DPP8: variants seen among roughly 807,000 people sequenced by gnomAD.
DPP8 encodes the protein DPP VIII.
A neutral mutation model predicts 107.5 loss-of-function variants in DPP8; 31 were observed. The observed-to-expected ratio is 0.29, with a 90% CI of 0.22 to 0.39. DPP8 has a LOEUF of 0.39. Among genes scored for constraint, DPP8 ranks in the 10% least tolerant of loss-of-function variants. The pLI, the probability that DPP8 is intolerant of heterozygous loss-of-function variation, is 1.00. For synonymous variants in DPP8, 381 were observed against 356.6 expected (o/e 1.07, Z -0.77); for missense variants, 842 against 1,076.1 (o/e 0.78, Z 3.04).
chr15:65,514,659 C>T (rs8034852), intron 1 of DPP8, among the ~76,000 whole-genome samples: 30,339 of 152,056 alleles, frequency 0.2, 3,382 homozygotes, highest in African/African-American at 0.3. Flanking sequence ...TACAGGCACC[C>T]GCCATCGTGC....
intron 8 of DPP8, among the ~76,000 whole-genome samples, chr15:65,483,204 T>C (rs2067091068): frequency 6.6e-6 from 1 of 151,640 alleles, no homozygotes; most frequent in Non-Finnish European, 1.5e-5. Flanking sequence ...AAACTGGAAA[T>C]CTAATCCACT....
chr15:65,499,221 G>A (rs1460826095), intron 4 of DPP8, among the ~76,000 whole-genome samples: 1 of 151,472 alleles, frequency 6.6e-6, no homozygotes, highest in Non-Finnish European at 1.5e-5. Context: ...ATTGATGCCC[G>A]TTACCTTTCC....
intron 12 of DPP8, among the ~76,000 whole-genome samples, chr15:65,470,195 C>CAAAAAAAAAAAAA (rs11310623): frequency 6.8e-5 from 4 of 58,484 alleles, no homozygotes; most frequent in African/African-American, 1.2e-4. Context: ...ACTCTTGTCT[C>CAAAAAAAAAAAAA]AAAAAAAAAA....
intron 14 of DPP8, among the ~76,000 whole-genome samples, 197 bp from the exon 15 acceptor site, chr15:65,464,103 C>A (rs931810064): frequency 1.3e-5 from 2 of 152,210 alleles, no homozygotes; most frequent in African/African-American, 4.8e-5. Flanking sequence ...GTGGCTCATG[C>A]CTGTAATCCC....
intron 3 of DPP8, among the ~76,000 whole-genome samples, chr15:65,504,043 T>C (rs1170077715): frequency 1.3e-5 from 2 of 151,762 alleles, no homozygotes; most frequent in African/African-American, 4.8e-5. Flanking sequence ...ATTACAGGCA[T>C]CAGCTACTGT....
chr15:65,516,741 T>TA (rs1021935318), intron 1 of DPP8: 1 of 152,196 alleles, frequency 6.6e-6, no homozygotes, highest in African/African-American at 2.4e-5. Flanking sequence ...GCCGTCCACT[T>TA]AAACACCTAA....
chr15:65,488,657 A>G (rs551005354), intron 6 of DPP8, among the ~76,000 whole-genome samples: 1 of 151,818 alleles, frequency 6.6e-6, no homozygotes, highest in African/African-American at 2.4e-5. Flanking sequence ...ACAGCATAAC[A>G]GTATCAGGGA....
At chr15:65,505,949 C>CA (rs369806063) in intron 3 of DPP8, among the ~76,000 whole-genome samples, 106,638 of 128,586 alleles carry the variant, frequency 0.83, 44,018 homozygotes, top group East Asian at 0.92. Flanking sequence ...GACTGTGTCT[C>CA]AAAAAAAAAA....
intron 12 of DPP8, among the ~76,000 whole-genome samples, chr15:65,471,789 ATACTC>A (rs2140570947): frequency 1.3e-5 from 2 of 152,276 alleles, no homozygotes; most frequent in South Asian, 4.1e-4. Context: ...TGCCCAGCAG[ATACTC>A]TAAAGTTTTT....
At chr15:65,498,502 AT>A (rs925932451) in intron 4 of DPP8, among the ~76,000 whole-genome samples, 1 of 151,976 alleles carries the variant, frequency 6.6e-6, no homozygotes, top group Non-Finnish European at 1.5e-5. Context: ...CCAGAAAGGA[AT>A]TTTTTTTAAC....
chr15:65,491,706 CAGTTTCTGGCTATTATGACT>C (rs1274389122), intron 5 of DPP8, among the ~76,000 whole-genome samples: 1 of 152,120 alleles, frequency 6.6e-6, no homozygotes, highest in Admixed American at 6.6e-5. Context: ...TGTCTGTTTC[CAGTTTCTGGCTATTATGACT>C]AAAGATGCTA....
At chr15:65,499,070 A>AGTGTGTGT (rs56047613) in intron 4 of DPP8, among the ~76,000 whole-genome samples, 1,960 of 129,712 alleles carry the variant, frequency 0.015, 26 homozygotes, top group East Asian at 0.024. Context: ...CCAAAAAAAA[A>AGTGTGTGT]GTGTGTGTGT....
At chr15:65,484,981 C>T in intron 8 of DPP8, 118 bp downstream of exon 8, 1 of 769,292 alleles carries the variant, frequency 1.3e-6, no homozygotes, top group Non-Finnish European at 2.2e-6. Context: ...AATCATGATC[C>T]ACCGATATCT....
chr15:65,450,224 T>C (rs2063875163), intron 19 of DPP8, among the ~76,000 whole-genome samples: 1 of 152,164 alleles, frequency 6.6e-6, no homozygotes, highest in Admixed American at 6.6e-5. Flanking sequence ...TGCCTTGGCC[T>C]CCTAAAGTGC....
intron 19 of DPP8, among the ~76,000 whole-genome samples, chr15:65,448,240 C>T (rs909616753): frequency 4.0e-5 from 6 of 151,760 alleles, no homozygotes; most frequent in African/African-American, 1.5e-4. Context: ...TAAAAAACAA[C>T]AAAAAATTCC....
chr15:65,456,401 A>G (rs1458439699), intron 15 of DPP8, 30 bp from the exon 16 acceptor site: 2 of 1,586,530 alleles, frequency 1.3e-6, no homozygotes, highest in Non-Finnish European at 8.6e-7. Context: ...TCAGTTTATC[A>G]TATGGAAGCA....
intron 6 of DPP8, 135 bp downstream of exon 6, chr15:65,490,054 C>A: frequency 1.6e-6 from 1 of 626,674 alleles, no homozygotes; most frequent in Non-Finnish European, 2.8e-6. Flanking sequence ...GGGCATGAAT[C>A]AATCATCATC....
intron 1 of DPP8, chr15:65,515,821 G>A: frequency 1.2e-6 from 1 of 849,486 alleles, no homozygotes; most frequent in Non-Finnish European, 1.8e-6. Flanking sequence ...AATAAGATAA[G>A]ACTTTGATCA....
rs529069888 is a variant in DPP8 at position 65,467,976 on chromosome 15, T to C, written c.1537-753A>G. 3.9e-5 allele frequency among the ~76,000 whole-genome samples: 6 copies of C among 152,290 alleles called. No homozygotes were observed. The South Asian group carries it at 1.2e-3, about 32-fold the overall frequency. On this transcript the variant is annotated intron_variant, in intron 12 of 19. Coordinates refer to ENST00000300141, the MANE Select transcript of DPP8 (RefSeq NM_130434.5). ...TGTACAAATTTGCAAACGTGTTTTA[T>C]CTATTGGGTTGTGGAATAACGGAAC...
Sources: gnomAD v4.1 joint callset for allele counts (sites outside exome capture counted in the v4.1 genomes callset) on GRCh38, gnomAD v4.1.1 for gene constraint, MANE v1.5 for transcripts, NCBI Gene and HGNC (gene_info 2026-07-23, HGNC 2026-07-21) for gene names.